PITPNC1: variants seen among roughly 807,000 people sequenced by gnomAD.
PITPNC1 encodes the protein phosphatidylinositol transfer protein cytoplasmic 1.
In PITPNC1, 18 loss-of-function variants were observed where a neutral mutation model predicts 44.7. The ratio of observed to expected loss-of-function variants is 0.40; its 90% confidence interval spans 0.28 to 0.60. The LOEUF (loss-of-function observed/expected upper bound fraction) is 0.60, where lower values mean the gene tolerates loss of function less well. Among genes scored for constraint, PITPNC1 ranks in the 20% least tolerant of loss-of-function variants. PITPNC1 has a pLI of 0.39. For missense variants in PITPNC1, 290 were observed against 418.4 expected, an observed-to-expected ratio of 0.69 and a Z score of 2.68; for synonymous variants, 141 against 149.6, an observed-to-expected ratio of 0.94 and a Z score of 0.42.
chr17:67,550,871 C>G (rs2040752085), intron 2 of PITPNC1, among the ~76,000 whole-genome samples: 1 of 152,122 alleles, frequency 6.6e-6, no homozygotes. Context: ...ACCATCCTGG[C>G]TAATACGGTG....
At chr17:67,645,605 A>G (rs949726328) in intron 6 of PITPNC1, among the ~76,000 whole-genome samples, 1 of 152,140 alleles carries the variant, frequency 6.6e-6, no homozygotes. Flanking sequence ...GGGGTTAGCA[A>G]TGTAAGCCTG....
At chr17:67,412,850 G>C (rs2038524030) in intron 1 of PITPNC1, among the ~76,000 whole-genome samples, 2 of 152,220 alleles carry the variant, frequency 1.3e-5, no homozygotes, top group South Asian at 2.1e-4. Flanking sequence ...ACAGGCGTGA[G>C]CCACCGCGCC....
chr17:67,522,391 A>G (rs1197850718), intron 1 of PITPNC1, among the ~76,000 whole-genome samples: 1 of 152,116 alleles, frequency 6.6e-6, no homozygotes. Context: ...AATCTCATGT[A>G]ACATTCATTG....
chr17:67,615,197 A>C (rs530045394), intron 5 of PITPNC1, among the ~76,000 whole-genome samples: 1 of 152,352 alleles, frequency 6.6e-6, no homozygotes, highest in East Asian at 1.9e-4. Flanking sequence ...ATCCACATAG[A>C]TGCGAAAACC....
chr17:67,451,239 C>T (rs2039171031), intron 1 of PITPNC1, among the ~76,000 whole-genome samples: 2 of 152,098 alleles, frequency 1.3e-5, no homozygotes, highest in African/African-American at 4.8e-5. Context: ...GCCATGTTGA[C>T]CAGGCTGGTC....
chr17:67,433,171 T>G (rs2038881111), intron 1 of PITPNC1, among the ~76,000 whole-genome samples: 1 of 152,190 alleles, frequency 6.6e-6, no homozygotes, highest in Non-Finnish European at 1.5e-5. Flanking sequence ...GTTCTCCCTC[T>G]TCTGCTTTCT....
At chr17:67,686,669 A>T (rs1227583329) in intron 8 of PITPNC1, among the ~76,000 whole-genome samples, 3 of 152,148 alleles carry the variant, frequency 2.0e-5, no homozygotes, top group Admixed American at 6.6e-5. Flanking sequence ...CAACCTCTAA[A>T]TCTATTTTGA....
chr17:67,471,011 C>T (rs896760793), intron 1 of PITPNC1, among the ~76,000 whole-genome samples: 4 of 122,852 alleles, frequency 3.3e-5, no homozygotes, highest in Non-Finnish European at 6.7e-5. Flanking sequence ...GCAGCATGCT[C>T]GTTAAGAGTC....
At chr17:67,405,549 C>T (rs190252334) in intron 1 of PITPNC1, among the ~76,000 whole-genome samples, 216 of 151,836 alleles carry the variant, frequency 1.4e-3, no homozygotes, top group African/African-American at 4.7e-3. Flanking sequence ...ATAAATCTAT[C>T]GTCCGTTTAA....
At chr17:67,485,159 A>G (rs2039759951) in intron 1 of PITPNC1, among the ~76,000 whole-genome samples, 1 of 152,074 alleles carries the variant, frequency 6.6e-6, no homozygotes, top group South Asian at 2.1e-4. Flanking sequence ...CCACTTGGCT[A>G]AACTGTCTTC....
intron 1 of PITPNC1, chr17:67,379,436 A>G: frequency 1.1e-6 from 1 of 928,056 alleles, no homozygotes; most frequent in Non-Finnish European, 1.3e-6. Flanking sequence ...AGTAGCTGCA[A>G]GTTTACAAAA....
At chr17:67,636,593 G>A (rs563370043) in intron 6 of PITPNC1, among the ~76,000 whole-genome samples, 1 of 152,288 alleles carries the variant, frequency 6.6e-6, no homozygotes, top group Non-Finnish European at 1.5e-5. Flanking sequence ...AAGGGCTATA[G>A]GTACCACTGG....
At chr17:67,680,308 C>G (rs910784711) in intron 8 of PITPNC1, among the ~76,000 whole-genome samples, 1 of 152,100 alleles carries the variant, frequency 6.6e-6, no homozygotes, top group African/African-American at 2.4e-5. Context: ...AGAAAAAAAT[C>G]ACAACTATAA....
intron 1 of PITPNC1, among the ~76,000 whole-genome samples, chr17:67,427,129 T>G (rs1328781047): frequency 6.6e-6 from 1 of 152,080 alleles, no homozygotes; most frequent in Admixed American, 6.6e-5. Context: ...CTGGAATGAG[T>G]TCATACTAAT....
chr17:67,546,531 G>T (rs1208698190), intron 2 of PITPNC1, among the ~76,000 whole-genome samples: 1 of 152,170 alleles, frequency 6.6e-6, no homozygotes, highest in East Asian at 1.9e-4. Flanking sequence ...TTTCCAGGAG[G>T]CTTTCCACCT....
intron 1 of PITPNC1, among the ~76,000 whole-genome samples, chr17:67,485,047 T>C (rs960793658): frequency 6.6e-6 from 1 of 152,048 alleles, no homozygotes; most frequent in Non-Finnish European, 1.5e-5. Flanking sequence ...AATAGGGAAA[T>C]GGAAAACTCA....
At chr17:67,559,666 C>A (rs2040881575) in intron 4 of PITPNC1, among the ~76,000 whole-genome samples, 1 of 152,118 alleles carries the variant, frequency 6.6e-6, no homozygotes, top group Admixed American at 6.5e-5. Context: ...ATAGGCGGAT[C>A]ACTTGAGGTC....
At chr17:67,578,102 G>A (rs143863846) in intron 4 of PITPNC1, 84 bp from the exon 5 acceptor site, 3 of 907,850 alleles carry the variant, frequency 3.3e-6, no homozygotes, top group Non-Finnish European at 5.4e-6. Flanking sequence ...CAACCAAATG[G>A]CCAGGAAAGT....
At chr17:67,607,957 T>C (rs2041630621) in intron 5 of PITPNC1, among the ~76,000 whole-genome samples, 1 of 152,048 alleles carries the variant, frequency 6.6e-6, no homozygotes, top group South Asian at 2.1e-4. Context: ...CTCAAACTCT[T>C]GACCTCAGGC....
Sources: gnomAD v4.1 joint callset for allele counts (sites outside exome capture counted in the v4.1 genomes callset) on GRCh38, gnomAD v4.1.1 for gene constraint, MANE v1.5 for transcripts, NCBI Gene and HGNC (gene_info 2026-07-23, HGNC 2026-07-21) for gene names.